The following EPB41L1 variants were observed in gnomAD, a reference collection of about 807,000 sequenced individuals.
EPB41L1 encodes erythrocyte membrane protein band 4.1 like 1, also known as band 4.1-like protein 1.
A neutral mutation model predicts 97.8 loss-of-function variants in EPB41L1; 29 were observed. That is an observed-to-expected ratio of 0.30 (90% CI 0.22 to 0.40). EPB41L1 has a LOEUF of 0.40. Ranked by LOEUF, EPB41L1 falls within the 10% of genes least tolerant of loss-of-function variation. The probability of loss-of-function intolerance (pLI) is 1.00; values close to 1 mark genes in which losing one functional copy is unlikely to be tolerated. For synonymous variants in EPB41L1, 383 were observed against 459.2 expected, an observed-to-expected ratio of 0.83 and a Z score of 2.12; for missense variants, 812 against 1,162.3, an observed-to-expected ratio of 0.70 and a Z score of 4.38.
At position 36,206,609 on chromosome 20, in the gene EPB41L1, C is replaced by T. The variant is rs1349946913; in HGVS notation, c.1669-2879C>T. On this transcript the variant is annotated intron_variant, in intron 14 of 21. Transcript: ENST00000338074. The surrounding 1 kb of genome is among the most constrained non-coding windows in gnomAD (Gnocchi z 5.5). ...AATTCCTTAGACCTGAGGGTTTCTG[C>T]TGCTGCTTCCAGCAGGAGCAAGGAC... 7.8e-7 allele frequency: 1 copy of T among 1,289,724 alleles called. No homozygotes were observed. Among genetic ancestry groups the T allele is most frequent in the Non-Finnish European group, 1.0e-6 (1 of 988,882 alleles). The allele number at this position is 1,289,724 out of a possible 1,614,324, so 79.9% of individuals were successfully genotyped here.
intron 2 of EPB41L1, among the ~76,000 whole-genome samples, chr20:36,137,380 A>C (rs1291022003): frequency 1.3e-5 from 2 of 148,938 alleles, no homozygotes; most frequent in Admixed American, 1.3e-4. Context: ...TGGGGCAGCT[A>C]ATTAAAAAAA....
At position 36,209,980 on chromosome 20, in the gene EPB41L1, G is replaced by A; in HGVS notation, c.2079+82G>A. ...CCTGGGCCACCCGTGAGAAGACCGA[G>A]CACCCAGCCTGCAGCCTGAAGCTCT... On this transcript the variant is annotated intron_variant, in intron 15 of 21. Coordinates refer to ENST00000338074, the MANE Select transcript of EPB41L1 (RefSeq NM_012156.2). The surrounding 1 kb of genome is among the most constrained non-coding windows in gnomAD (Gnocchi z 4.2). 6.6e-7 allele frequency: 1 copy of A among 1,525,758 alleles called. No individual in the cohort carries two copies. Among genetic ancestry groups the A allele is most frequent in the Non-Finnish European group, 8.9e-7 (1 of 1,122,992 alleles). 94.5% of individuals were successfully genotyped at this position (1,525,758 alleles called of 1,614,324 possible).
intron 11 of EPB41L1, among the ~76,000 whole-genome samples, chr20:36,193,474 C>T (rs573377453): frequency 9.2e-5 from 14 of 152,258 alleles, no homozygotes; most frequent in East Asian, 1.9e-4. Context: ...ATTTTAAACC[C>T]GTGTTTTTCA....
intron 1 of EPB41L1, among the ~76,000 whole-genome samples, chr20:36,099,025 C>G (rs2057924033): frequency 6.6e-6 from 1 of 152,064 alleles, no homozygotes; most frequent in African/African-American, 2.4e-5. Context: ...AAAAATTAGC[C>G]AGGCGTGGTG....
chr20:36,129,505 A>T (rs1410450554), intron 2 of EPB41L1, among the ~76,000 whole-genome samples: 10 of 151,914 alleles, frequency 6.6e-5, no homozygotes, highest in Non-Finnish European at 1.3e-4. Context: ...TGCAGTTGGG[A>T]GGCATAAGGG....
chr20:36,222,287 T>C lies in EPB41L1; in HGVS notation c.2530T>C (p.Leu844=). The change falls in exon 21 of 22, where the codon TTG becomes CTG. Residue 844 remains leucine (L), a synonymous_variant. Transcript: ENST00000338074. ...TGTTCTTTACCACCAGGCCCTGGCT[T>C]TGGCCATCAAGGAGGCCAAACTGCA... The part of the protein sequence containing the change: ...EDVDQDQALA[L]AIKEAKLQHP... The C allele has an allele frequency of 6.2e-7, 1 of 1,614,066 alleles. No homozygotes were observed. The highest frequency in any genetic ancestry group is 8.5e-7 in the Non-Finnish European group (1 of 1,179,924).
At chr20:36,218,986 G>A in intron 18 of EPB41L1, 24 bp downstream of exon 18, 2 of 1,610,350 alleles carry the variant, frequency 1.2e-6, no homozygotes, top group Non-Finnish European at 1.7e-6. Context: ...GCCAGCTCAG[G>A]CTAGGGGACT....
At chr20:36,201,041 TAAGA>T (rs1249100535) in intron 14 of EPB41L1, 16 of 448,228 alleles carry the variant, frequency 3.6e-5, no homozygotes, top group African/African-American at 3.2e-4. Context: ...TCTGTGGTCT[TAAGA>T]AAACCCTTTC....
At chr20:36,211,150 G>C (rs1026264117) in intron 15 of EPB41L1, among the ~76,000 whole-genome samples, 2 of 152,066 alleles carry the variant, frequency 1.3e-5, no homozygotes, top group Non-Finnish European at 2.9e-5. Context: ...ACTTTGGGAG[G>C]CTGAGGCAGG....
chr20:36,110,116 T>A (rs1190064349), intron 1 of EPB41L1, among the ~76,000 whole-genome samples: 1 of 152,058 alleles, frequency 6.6e-6, no homozygotes, highest in Non-Finnish European at 1.5e-5. Flanking sequence ...TAATTTTATA[T>A]TTTTAGTAGA....
At chr20:36,098,540 G>A (rs898577460) in intron 1 of EPB41L1, among the ~76,000 whole-genome samples, 3 of 152,126 alleles carry the variant, frequency 2.0e-5, no homozygotes, top group African/African-American at 7.2e-5. Flanking sequence ...TGCCTCTGTC[G>A]TCACGTGGCT....
intron 2 of EPB41L1, chr20:36,113,714 G>A (rs1018097268): frequency 5.2e-5 from 8 of 152,656 alleles, no homozygotes; most frequent in Non-Finnish European, 7.3e-5. Context: ...CCGGACAGAG[G>A]AGGTGGATTA....
intron 2 of EPB41L1, 122 bp from the exon 3 acceptor site, chr20:36,175,429 G>C: frequency 1.7e-6 from 2 of 1,192,118 alleles, no homozygotes; most frequent in Non-Finnish European, 2.5e-6. Context: ...GGTCTCAGAC[G>C]GTAGCGACTT....
intron 21 of EPB41L1, among the ~76,000 whole-genome samples, chr20:36,228,307 A>G (rs1459758328): frequency 2.0e-5 from 3 of 152,230 alleles, no homozygotes; most frequent in African/African-American, 7.2e-5. Flanking sequence ...AACAGCCAGT[A>G]TTTATTCAGC....
intron 2 of EPB41L1, among the ~76,000 whole-genome samples, chr20:36,142,615 C>T (rs1480788893): frequency 1.3e-5 from 2 of 152,148 alleles, no homozygotes; most frequent in Non-Finnish European, 2.9e-5. Flanking sequence ...GTGGGAGGCT[C>T]ACTTGCACGG....
At chr20:36,125,503 A>G (rs999881669) in intron 2 of EPB41L1, 10 of 1,460,418 alleles carry the variant, frequency 6.8e-6, no homozygotes, top group South Asian at 1.2e-5. Context: ...CAGAGAGCCT[A>G]GCACCTACTG....
intron 21 of EPB41L1, among the ~76,000 whole-genome samples, chr20:36,227,226 A>G (rs1209566078): frequency 6.6e-6 from 1 of 151,812 alleles, no homozygotes; most frequent in Non-Finnish European, 1.5e-5. Flanking sequence ...TTGAAGCGGG[A>G]GGATTGCTTG....
intron 1 of EPB41L1, among the ~76,000 whole-genome samples, chr20:36,106,203 A>C (rs2058187151): frequency 1.3e-5 from 2 of 152,188 alleles, no homozygotes; most frequent in South Asian, 2.1e-4. Context: ...AGCCCTGCAC[A>C]CAGGACCACT....
intron 16 of EPB41L1, among the ~76,000 whole-genome samples, chr20:36,213,734 GAAC>G (rs750812558): frequency 3.3e-5 from 5 of 151,992 alleles, no homozygotes; most frequent in Non-Finnish European, 7.4e-5. Context: ...AATTCAAGCA[GAAC>G]AAAATGGGAT....
Sources: allele counts gnomAD v4.1 joint callset (sites outside exome capture counted in the v4.1 genomes callset), GRCh38; gene constraint gnomAD v4.1.1; non-coding constraint Gnocchi (gnomAD v3.1); transcripts MANE v1.5; gene names NCBI Gene and HGNC (gene_info 2026-07-23, HGNC 2026-07-21).